The following SH3D19 variants were observed in gnomAD, a reference collection of about 807,000 sequenced individuals.
SH3D19 encodes the protein SH3 domain containing 19.
SH3D19 carries 58 observed loss-of-function variants against 112.1 expected under a neutral mutation model. The ratio of observed to expected loss-of-function variants is 0.52; its 90% confidence interval spans 0.42 to 0.64. SH3D19 has a LOEUF of 0.64. Among genes scored for constraint, SH3D19 ranks in the 30% least tolerant of loss-of-function variants. The probability of loss-of-function intolerance (pLI) is 0.00; values close to 1 mark genes in which losing one functional copy is unlikely to be tolerated. For synonymous variants in SH3D19, 391 were observed against 448.5 expected (o/e 0.87, Z 1.62); for missense variants, 1,090 against 1,263.4 (o/e 0.86, Z 2.08).
chr4:151,307,914 T>C (rs1049359349), intron 1 of SH3D19, among the ~76,000 whole-genome samples: 1 of 152,200 alleles, frequency 6.6e-6, no homozygotes, highest in African/African-American at 2.4e-5. Context: ...TTATTTATTT[T>C]ATTATTATTT....
intron 11 of SH3D19, among the ~76,000 whole-genome samples, chr4:151,145,782 T>G (rs781044714): frequency 2.0e-5 from 3 of 152,208 alleles, no homozygotes; most frequent in Non-Finnish European, 4.4e-5. Flanking sequence ...CAGAGCCAGC[T>G]GACCTGTTCT....
At chr4:151,138,189 A>G (rs1037174873) in intron 13 of SH3D19, among the ~76,000 whole-genome samples, 2 of 152,236 alleles carry the variant, frequency 1.3e-5, no homozygotes, top group African/African-American at 4.8e-5. Context: ...AAAAAAGTTT[A>G]TAGACATGGT....
intron 8 of SH3D19, among the ~76,000 whole-genome samples, chr4:151,160,886 G>A (rs1757036431): frequency 1.3e-5 from 2 of 151,896 alleles, no homozygotes. Flanking sequence ...AGTGGCTCTG[G>A]GAATTAAGAC....
chr4:151,296,099 AAG>A (rs1304999566), intron 1 of SH3D19, among the ~76,000 whole-genome samples: 1 of 152,180 alleles, frequency 6.6e-6, no homozygotes, highest in Non-Finnish European at 1.5e-5. Context: ...TAGGGAAAAA[AAG>A]AGAATTTTAA....
At chr4:151,268,935 T>C (rs1223955731) in intron 1 of SH3D19, among the ~76,000 whole-genome samples, 1 of 152,226 alleles carries the variant, frequency 6.6e-6, no homozygotes, top group Non-Finnish European at 1.5e-5. Flanking sequence ...GCATGGTTTA[T>C]AGTCCTTTGG....
chr4:151,287,579 T>G (rs1032876520), intron 1 of SH3D19, among the ~76,000 whole-genome samples: 3 of 152,168 alleles, frequency 2.0e-5, no homozygotes, highest in African/African-American at 7.2e-5. Context: ...AAATCCAAAC[T>G]GGGGGTAATT....
At chr4:151,135,042 AT>A (rs1751527778) in intron 15 of SH3D19, 31 bp downstream of exon 15, 2 of 1,524,926 alleles carry the variant, frequency 1.3e-6, no homozygotes, top group South Asian at 1.2e-5. Context: ...TCTCCTTTGT[AT>A]TTTGTGTAAA....
intron 1 of SH3D19, among the ~76,000 whole-genome samples, chr4:151,309,110 T>C (rs1729194036): frequency 1.3e-5 from 2 of 152,202 alleles, no homozygotes; most frequent in African/African-American, 4.8e-5. Context: ...CTCAAGTGAT[T>C]CACCCGCCTT....
chr4:151,244,761 C>T (rs1254193047), intron 1 of SH3D19, among the ~76,000 whole-genome samples: 7 of 152,146 alleles, frequency 4.6e-5, no homozygotes, highest in Non-Finnish European at 8.8e-5. Context: ...GAAATGTTAA[C>T]CAAGTGTCAC....
intron 19 of SH3D19, among the ~76,000 whole-genome samples, chr4:151,126,961 G>C (rs1749528052): frequency 6.7e-6 from 1 of 149,038 alleles, no homozygotes; most frequent in Non-Finnish European, 1.5e-5. Context: ...GTGGACAAGA[G>C]TGCAGTGGTG....
chr4:151,139,095 G>A (rs1249498467), intron 13 of SH3D19, among the ~76,000 whole-genome samples: 1 of 152,070 alleles, frequency 6.6e-6, no homozygotes, highest in Non-Finnish European at 1.5e-5. Context: ...AAAGTGCTGG[G>A]ATTACAGGTG....
At chr4:151,301,131 T>C (rs1284628028) in intron 1 of SH3D19, among the ~76,000 whole-genome samples, 3 of 152,344 alleles carry the variant, frequency 2.0e-5, no homozygotes, top group Admixed American at 6.5e-5. Flanking sequence ...TGGGGCCTGA[T>C]GGGGGGTGAT....
intron 1 of SH3D19, chr4:151,227,767 TA>T (rs1278901584): frequency 1.0e-6 from 1 of 985,346 alleles, no homozygotes; most frequent in Admixed American, 6.1e-5. Context: ...TACCTGTGGC[TA>T]AAGCCGAGCT....
At position 151,176,798 on chromosome 4, in the gene SH3D19, T is replaced by C; in HGVS notation, c.375+19A>G. 1 of 1,231,850 alleles carries C rather than the reference T, an allele frequency of 8.1e-7. No homozygotes were observed. Among genetic ancestry groups the C allele is most frequent in the Non-Finnish European group, 1.0e-6 (1 of 987,664 alleles). The allele number at this position is 1,231,850 out of a possible 1,614,324, so 76.3% of individuals were successfully genotyped here. A position where few individuals can be genotyped will look rare whatever the true frequency, so the allele number is the denominator to read the frequency against. On this transcript the variant is annotated intron_variant, in intron 5 of 19. Transcript: ENST00000604030. ...ATTTAAAAAATAAAATGCAAAGAGA[T>C]AATGTAATGTTTATTCACCTCAGCA...
At chr4:151,287,268 G>A (rs1404923533) in intron 1 of SH3D19, among the ~76,000 whole-genome samples, 1 of 150,170 alleles carries the variant, frequency 6.7e-6, no homozygotes, top group Non-Finnish European at 1.5e-5. Flanking sequence ...TTGAACCCGG[G>A]AGGCAGAGGT....
chr4:151,176,022 C>T (rs1248581326), intron 6 of SH3D19, among the ~76,000 whole-genome samples: 2 of 152,108 alleles, frequency 1.3e-5, no homozygotes, highest in Non-Finnish European at 2.9e-5. Flanking sequence ...AGACACATAC[C>T]ACCACACTCA....
At chr4:151,129,479 C>T (rs572712613) in intron 17 of SH3D19, among the ~76,000 whole-genome samples, 1 of 152,266 alleles carries the variant, frequency 6.6e-6, no homozygotes, top group South Asian at 2.1e-4. Context: ...AAGCAATTCT[C>T]CTGCCTCAGC....
chr4:151,279,360 A>AT (rs1238187650), intron 1 of SH3D19, among the ~76,000 whole-genome samples: 4 of 152,162 alleles, frequency 2.6e-5, no homozygotes, highest in African/African-American at 9.7e-5. Context: ...TAAAAAAAAA[A>AT]TTTTAAGTTA....
At chr4:151,275,248 G>T (rs1016001766) in intron 1 of SH3D19, among the ~76,000 whole-genome samples, 1 of 151,680 alleles carries the variant, frequency 6.6e-6, no homozygotes, top group Non-Finnish European at 1.5e-5. Flanking sequence ...CACTACACCC[G>T]GCTAATTTTT....
Sources: allele counts gnomAD v4.1 joint callset (sites outside exome capture counted in the v4.1 genomes callset), GRCh38; gene constraint gnomAD v4.1.1; transcripts MANE v1.5; gene names NCBI Gene and HGNC (gene_info 2026-07-23, HGNC 2026-07-21).